Variants in FRMD6 observed in about 807,000 individuals in gnomAD.
FRMD6 encodes the protein FERM domain-containing protein 6.
In FRMD6, 37 loss-of-function variants were observed where a neutral mutation model predicts 73.2. The ratio of observed to expected loss-of-function variants is 0.51; its 90% confidence interval spans 0.39 to 0.66. The LOEUF is 0.66. Among genes scored for constraint, FRMD6 ranks in the 30% least tolerant of loss-of-function variants. FRMD6 has a pLI of 0.00. For synonymous variants in FRMD6, 273 were observed against 282.2 expected (o/e 0.97, Z 0.33); for missense variants, 714 against 780.5 (o/e 0.91, Z 1.02).
chr14:51,673,917 A>C (rs1894195141), intron 1 of FRMD6, among the ~76,000 whole-genome samples: 1 of 152,148 alleles, frequency 6.6e-6, no homozygotes, highest in African/African-American at 2.4e-5. Flanking sequence ...CTTTGCTTTT[A>C]ATTGCTTTAT....
chr14:51,639,383 T>G (rs1472141110), intron 2 of FRMD6, among the ~76,000 whole-genome samples: 1 of 151,436 alleles, frequency 6.6e-6, no homozygotes, highest in Non-Finnish European at 1.5e-5. Flanking sequence ...TGCAGCGAGC[T>G]GAGATTGCGC....
chr14:51,459,790 G>T, the FRMD6 span, among the ~76,000 whole-genome samples: 1 of 123,264 alleles, frequency 8.1e-6, no homozygotes, highest in Admixed American at 1.0e-4. Flanking sequence ...TCATGCCAAG[G>T]CACTCCAGCC....
intron 2 of FRMD6, among the ~76,000 whole-genome samples, chr14:51,616,240 C>T (rs77201348): frequency 0.064 from 9,801 of 152,146 alleles, 932 homozygotes; most frequent in African/African-American, 0.21. Flanking sequence ...CTCTAATCCT[C>T]GGCTGTACAC....
chr14:51,534,902 A>C (rs985090486), intron 1 of FRMD6, among the ~76,000 whole-genome samples: 2 of 152,216 alleles, frequency 1.3e-5, no homozygotes, highest in African/African-American at 4.8e-5. Context: ...TCTCCAGTGG[A>C]GAACGCAGGG....
chr14:51,652,521 G>C (rs941416205), intron 1 of FRMD6, among the ~76,000 whole-genome samples: 2 of 152,242 alleles, frequency 1.3e-5, no homozygotes, highest in Admixed American at 1.3e-4. Flanking sequence ...GCTGCGCCGT[G>C]CCGCCTGTTG....
At chr14:51,704,686 C>A (rs1363219505) in intron 5 of FRMD6, 63 bp from the exon 6 acceptor site, 1 of 1,370,014 alleles carries the variant, frequency 7.3e-7, no homozygotes. Context: ...GATTTGGGTT[C>A]TGTTTACATG....
chr14:51,691,907 T>G (rs1003847841), intron 2 of FRMD6, among the ~76,000 whole-genome samples: 1 of 151,978 alleles, frequency 6.6e-6, no homozygotes, highest in African/African-American at 2.4e-5. Flanking sequence ...GTTACTATAT[T>G]TTTAATCCAA....
chr14:51,570,004 A>G (rs1349449218), intron 1 of FRMD6, among the ~76,000 whole-genome samples: 1 of 151,880 alleles, frequency 6.6e-6, no homozygotes, highest in East Asian at 1.9e-4. Flanking sequence ...TTTAGTAGAG[A>G]CGGGGTTTCA....
intron 2 of FRMD6, among the ~76,000 whole-genome samples, chr14:51,573,697 G>C (rs1026616657): frequency 1.4e-4 from 22 of 152,226 alleles, no homozygotes; most frequent in African/African-American, 5.3e-4. Flanking sequence ...GACAGTCCCC[G>C]TGTCTCAAAT....
chr14:51,647,683 AATG>A (rs780562042), upstream of FRMD6, among the ~76,000 whole-genome samples: 2 of 152,218 alleles, frequency 1.3e-5, no homozygotes, highest in Non-Finnish European at 1.5e-5. Flanking sequence ...CTTCAGCCAG[AATG>A]ATGAACGGTA....
intron 2 of FRMD6, among the ~76,000 whole-genome samples, chr14:51,587,072 T>C (rs1456743242): frequency 6.6e-6 from 1 of 152,208 alleles, no homozygotes; most frequent in African/African-American, 2.4e-5. Context: ...CATCTTTTTC[T>C]ATGGTGAGAG....
chr14:51,439,485 T>C, the FRMD6 span, among the ~76,000 whole-genome samples: 6 of 152,372 alleles, frequency 3.9e-5, 1 homozygote, highest in African/African-American at 1.4e-4. Flanking sequence ...CTGAGCCTTT[T>C]CTTTCTTAAT....
At chr14:51,457,862 T>C in the FRMD6 span, among the ~76,000 whole-genome samples, 1 of 152,246 alleles carries the variant, frequency 6.6e-6, no homozygotes, top group African/African-American at 2.4e-5. Flanking sequence ...ACCTATTGCA[T>C]GAATGCCTTA....
intron 1 of FRMD6, among the ~76,000 whole-genome samples, chr14:51,543,715 C>T (rs1377398581): frequency 1.3e-5 from 2 of 151,954 alleles, no homozygotes; most frequent in Non-Finnish European, 2.9e-5. Flanking sequence ...GCTGTGAGAT[C>T]ACAAAAGAAA....
chr14:51,448,877 A>C, the FRMD6 span, among the ~76,000 whole-genome samples: 1 of 152,192 alleles, frequency 6.6e-6, no homozygotes, highest in East Asian at 1.9e-4. Context: ...TCTCACTTAA[A>C]AATGCATGAA....
chr14:51,576,501 A>G lies in FRMD6; in HGVS notation c.-147+6091A>G, dbSNP rs140900537. Among the ~76,000 whole-genome samples the G allele has an allele frequency of 3.3e-4, 51 of 152,242 alleles. No homozygotes were observed. The East Asian group carries it at 9.5e-3, about 28-fold the overall frequency. On this transcript the variant is annotated intron_variant, in intron 2 of 14. Coordinates refer to the FRMD6 transcript ENST00000356218. ...ATCTCATCTCTTCTTTTGAAGCAGA[A>G]TGCTTTAAATTTTTATTTTTATCCT...
At chr14:51,724,180 A>G (rs1897810745) in intron 12 of FRMD6, 1 of 152,134 alleles carries the variant, frequency 6.6e-6, no homozygotes, top group Non-Finnish European at 1.5e-5. Flanking sequence ...CAAGGATGAC[A>G]TGCAAATTTG....
the FRMD6 span, among the ~76,000 whole-genome samples, chr14:51,454,156 AT>A: frequency 1.3e-5 from 2 of 152,218 alleles, no homozygotes; most frequent in African/African-American, 2.4e-5. Flanking sequence ...GGGAAATGCC[AT>A]GGCATTTCAT....
At chr14:51,438,212 C>A in the FRMD6 span, among the ~76,000 whole-genome samples, 4 of 152,006 alleles carry the variant, frequency 2.6e-5, no homozygotes, top group Admixed American at 2.6e-4. Context: ...TTTAAGATGA[C>A]ACTTTTAAAA....
Sources: allele counts gnomAD v4.1 joint callset (sites outside exome capture counted in the v4.1 genomes callset), GRCh38; gene constraint gnomAD v4.1.1; transcripts MANE v1.5; gene names NCBI Gene and HGNC (gene_info 2026-07-23, HGNC 2026-07-21).